Variants in DACH2 observed in about 807,000 individuals in gnomAD.
The protein encoded by DACH2 is dachshund family transcription factor 2.
Under a neutral mutation model 35.8 loss-of-function variants are expected in DACH2, and 17 were observed. The observed-to-expected ratio is 0.48, with a 90% CI of 0.33 to 0.71. The LOEUF (loss-of-function observed/expected upper bound fraction) is 0.71. DACH2 is among the 30% of genes least tolerant of loss of function. The probability of loss-of-function intolerance (pLI) is 0.02; values close to 1 mark genes in which losing one functional copy is unlikely to be tolerated. For synonymous variants in DACH2, 195 were observed against 177.3 expected, an observed-to-expected ratio of 1.10 and a Z score of -0.79; for missense variants, 469 against 472.7, an observed-to-expected ratio of 0.99 and a Z score of 0.07.
At chrX:86,271,641 G>T (rs1313851387) in intron 1 of DACH2, among the ~76,000 whole-genome samples, 1 of 111,381 alleles carries the variant, frequency 9.0e-6, no homozygotes, top group Non-Finnish European at 1.9e-5. Context: ...GTTCCAAAAT[G>T]TACATTTTGA....
chrX:86,659,264 C>T (rs1320558230), intron 4 of DACH2, among the ~76,000 whole-genome samples: 1 of 110,669 alleles, frequency 9.0e-6, no homozygotes, highest in African/African-American at 3.3e-5. Context: ...AAAAAGTAAG[C>T]CAGAAGGAAC....
chrX:86,662,903 C>T (rs914873095), intron 4 of DACH2, among the ~76,000 whole-genome samples: 4 of 110,870 alleles, frequency 3.6e-5, no homozygotes, highest in East Asian at 2.8e-4. Flanking sequence ...TATATTTATG[C>T]GCTATACACA....
chrX:86,196,936 A>C (rs999224598), intron 1 of DACH2, among the ~76,000 whole-genome samples: 1 of 109,920 alleles, frequency 9.1e-6, no homozygotes, highest in Non-Finnish European at 1.9e-5. Flanking sequence ...TCAAAAGAAG[A>C]CCATCCCGAA....
intron 1 of DACH2, among the ~76,000 whole-genome samples, chrX:86,370,959 T>A (rs1388407924): frequency 9.0e-6 from 1 of 111,526 alleles, no homozygotes; most frequent in African/African-American, 3.2e-5. Context: ...TTCTATTTTT[T>A]AAAATGAACA....
At chrX:86,179,224 A>C (rs773767373) in intron 1 of DACH2, among the ~76,000 whole-genome samples, 3 of 112,472 alleles carry the variant, frequency 2.7e-5, no homozygotes, top group Non-Finnish European at 3.8e-5. Context: ...TTAATAGGGC[A>C]CACACAGTTG....
At chrX:86,637,246 A>AAAAAAAAC (rs2040282352) in intron 3 of DACH2, among the ~76,000 whole-genome samples, 2 of 81,849 alleles carry the variant, frequency 2.4e-5, no homozygotes, top group East Asian at 6.1e-4. Context: ...AAAAAAAAAA[A>AAAAAAAAC]CAGATGCTGG....
chrX:86,319,618 G>A (rs1243776828), intron 1 of DACH2, among the ~76,000 whole-genome samples: 3 of 111,882 alleles, frequency 2.7e-5, no homozygotes, highest in African/African-American at 9.7e-5. Flanking sequence ...AAAACATTTA[G>A]CAAACCTAGT....
intron 1 of DACH2, among the ~76,000 whole-genome samples, chrX:86,347,246 T>C (rs915890526): frequency 2.7e-5 from 3 of 112,536 alleles, no homozygotes; most frequent in Admixed American, 1.9e-4. Flanking sequence ...GCTGATTCTG[T>C]CTCTCAAAGT....
intron 1 of DACH2, among the ~76,000 whole-genome samples, chrX:86,227,159 A>G (rs995920438): frequency 1.1e-4 from 12 of 111,676 alleles, no homozygotes; most frequent in Non-Finnish European, 7.6e-5. Flanking sequence ...CCCAACACCA[A>G]TATTCATTTT....
chrX:86,645,933 AAGAT>A (rs1016656479), intron 3 of DACH2, among the ~76,000 whole-genome samples: 1 of 111,012 alleles, frequency 9.0e-6, no homozygotes, highest in Non-Finnish European at 1.9e-5. Flanking sequence ...ATGAGCAAAA[AAGAT>A]AACTATTGAG....
At chrX:86,767,088 C>A (rs1054206113) in intron 7 of DACH2, among the ~76,000 whole-genome samples, 1 of 111,888 alleles carries the variant, frequency 8.9e-6, no homozygotes, top group Non-Finnish European at 1.9e-5. Flanking sequence ...TTTTGTATAC[C>A]TGACCTATAT....
intron 3 of DACH2, among the ~76,000 whole-genome samples, chrX:86,559,932 C>A (rs1308623653): frequency 3.1e-5 from 2 of 65,378 alleles, no homozygotes; most frequent in Non-Finnish European, 5.3e-5. Flanking sequence ...AGAATTTAGT[C>A]CATTTATATT....
intron 2 of DACH2, among the ~76,000 whole-genome samples, chrX:86,481,999 C>A (rs186590123): frequency 1.8e-5 from 2 of 111,685 alleles, no homozygotes; most frequent in East Asian, 5.6e-4. Context: ...GTATTTTTGT[C>A]GCATTTAAAA....
At chrX:86,183,892 G>A (rs939889203) in intron 1 of DACH2, among the ~76,000 whole-genome samples, 4 of 111,248 alleles carry the variant, frequency 3.6e-5, no homozygotes, top group African/African-American at 1.3e-4. Context: ...CTTCTTCCTG[G>A]TTTAGACTTG....
chrX:86,413,562 G>A (rs992708089), intron 2 of DACH2, among the ~76,000 whole-genome samples: 2 of 111,930 alleles, frequency 1.8e-5, no homozygotes, highest in South Asian at 3.8e-4. Context: ...AAGTTGAATA[G>A]GGATGTAGTG....
chrX:86,594,406 A>G (rs1255967752), intron 3 of DACH2, among the ~76,000 whole-genome samples: 5 of 111,522 alleles, frequency 4.5e-5, no homozygotes, highest in African/African-American at 1.6e-4. Flanking sequence ...TCTTCTTTAC[A>G]GTTTCCAAAG....
At chrX:86,721,461 A>G (rs751692427) in intron 6 of DACH2, among the ~76,000 whole-genome samples, 8 of 111,589 alleles carry the variant, frequency 7.2e-5, no homozygotes, top group Non-Finnish European at 1.5e-4. Flanking sequence ...CACGTTCCCA[A>G]CAAGTTTTTT....
At chrX:86,479,051 G>T (rs999688000) in intron 2 of DACH2, among the ~76,000 whole-genome samples, 2 of 110,787 alleles carry the variant, frequency 1.8e-5, no homozygotes, top group African/African-American at 3.3e-5. Flanking sequence ...GAAGGGGGAT[G>T]GGGTGGGAAG....
intron 3 of DACH2, among the ~76,000 whole-genome samples, chrX:86,610,389 C>CTT (rs1172122298): frequency 1.2e-4 from 10 of 84,220 alleles, no homozygotes; most frequent in South Asian, 5.9e-4. Context: ...TTCTTTCTTT[C>CTT]TTTCTTTCTT....
Sources: gnomAD v4.1 joint callset for allele counts (sites outside exome capture counted in the v4.1 genomes callset) on GRCh38, gnomAD v4.1.1 for gene constraint, MANE v1.5 for transcripts, NCBI Gene and HGNC (gene_info 2026-07-23, HGNC 2026-07-21) for gene names.